The following COL26A1 variants were observed in gnomAD, a reference collection of about 807,000 sequenced individuals.
The protein encoded by COL26A1 is collagen alpha-1(XXVI) chain.
A neutral mutation model predicts 59.3 loss-of-function variants in COL26A1; 41 were observed. The observed-to-expected ratio is 0.69, with a 90% CI of 0.54 to 0.90. COL26A1 has a LOEUF of 0.90. Ranked by LOEUF, COL26A1 falls within the 40% of genes least tolerant of loss-of-function variation. The pLI is 0.00. For missense variants in COL26A1, 612 were observed against 602.3 expected, an observed-to-expected ratio of 1.02 and a Z score of -0.17; for synonymous variants, 266 against 256.0, an observed-to-expected ratio of 1.04 and a Z score of -0.37.
chr7:101,371,707 G>A (rs931082531), intron 1 of COL26A1, among the ~76,000 whole-genome samples: 1 of 152,048 alleles, frequency 6.6e-6, no homozygotes, highest in African/African-American at 2.4e-5. Flanking sequence ...TGGGAAGAAC[G>A]CTTGAACCCA....
Position 101,376,222 on chromosome 7 carries a change from C to A in COL26A1, c.158+13032C>A, listed in dbSNP as rs117978026. On this transcript the variant is annotated intron_variant, in intron 1 of 12. Transcript: ENST00000313669. ...AGCTACCTGGGAGGGGAGGCTGAGG[C>A]GGCAGGATCACTTGAGCCGAGGAGG... Among the ~76,000 whole-genome samples the A allele has an allele frequency of 2.3e-4, 34 of 150,738 alleles. 1 individual carries two copies. Among genetic ancestry groups the A allele is most frequent in the African/African-American group, 1.2e-4 (5 of 41,114 alleles).
intron 3 of COL26A1, among the ~76,000 whole-genome samples, chr7:101,455,041 CT>C (rs56039517): frequency 0.012 from 1,657 of 133,988 alleles, 7 homozygotes; most frequent in African/African-American, 0.021. Context: ...TTTTCTTTAT[CT>C]TTTTTTTTTT....
At chr7:101,452,405 G>A (rs1275388959) in intron 3 of COL26A1, among the ~76,000 whole-genome samples, 1 of 152,084 alleles carries the variant, frequency 6.6e-6, no homozygotes, top group Non-Finnish European at 1.5e-5. Context: ...TGTTCCAAAG[G>A]TGTCCACCCT....
intron 1 of COL26A1, among the ~76,000 whole-genome samples, chr7:101,401,747 AGAG>A (rs1228308947): frequency 2.2e-5 from 3 of 134,634 alleles, no homozygotes; most frequent in African/African-American, 9.3e-5. Flanking sequence ...AGGAGGAGGA[AGAG>A]GAGGAAGAGG....
At chr7:101,397,962 T>C (rs1350523353) in intron 1 of COL26A1, among the ~76,000 whole-genome samples, 1 of 152,176 alleles carries the variant, frequency 6.6e-6, no homozygotes, top group Non-Finnish European at 1.5e-5. Context: ...TGTGCCCAGG[T>C]AGGCCCCCTA....
rs1423914451 is a variant in COL26A1, at chr7:101,557,574, C to T, written c.*44C>T. 2.6e-6 allele frequency: 4 copies of T among 1,550,590 alleles called. No homozygotes were observed. The Admixed American group carries it at 7.3e-5, about 28-fold the overall frequency. ...CACCCTGTCCTGGCTAGAGACCCAG[C>T]CCCAGAGGCCTGAGCCGCCGCTGTT... On this transcript the variant is annotated 3_prime_UTR_variant, in exon 13 of 13. Coordinates refer to ENST00000313669, the MANE Select transcript of COL26A1 (RefSeq NM_001278563.3).
intron 2 of COL26A1, among the ~76,000 whole-genome samples, chr7:101,443,888 T>TC (rs1296892942): frequency 7.3e-6 from 1 of 136,888 alleles, no homozygotes; most frequent in African/African-American, 2.5e-5. Flanking sequence ...TTTTTTTTTT[T>TC]CAGAGACAGG....
chr7:101,471,564 G>GTTTTTTTTTTTTTTTTTTTTTT (rs1562997549), intron 3 of COL26A1, among the ~76,000 whole-genome samples: 1 of 129,024 alleles, frequency 7.8e-6, no homozygotes, highest in African/African-American at 3.1e-5. Flanking sequence ...TGTTGTTGTT[G>GTTTTTTTTTTTTTTTTTTTTTT]TTGTTTGTTT....
intron 1 of COL26A1, among the ~76,000 whole-genome samples, chr7:101,415,453 C>T (rs1792351582): frequency 6.6e-6 from 1 of 152,144 alleles, no homozygotes; most frequent in South Asian, 2.1e-4. Flanking sequence ...TGTGCCCAGC[C>T]TCATCATAAC....
intron 3 of COL26A1, among the ~76,000 whole-genome samples, chr7:101,448,498 C>CT (rs113067857): frequency 0.023 from 3,357 of 146,054 alleles, 41 homozygotes; most frequent in African/African-American, 0.048. Context: ...TCTTCTTTTT[C>CT]TTTTTTTTTT....
chr7:101,544,131 C>A, intron 6 of COL26A1, 35 bp downstream of exon 6: 1 of 1,505,672 alleles, frequency 6.6e-7, no homozygotes, highest in Non-Finnish European at 9.1e-7. Context: ...ATGTTGTCAA[C>A]CTGCGGAAGG....
At chr7:101,511,002 G>A (rs1464622760) in intron 3 of COL26A1, among the ~76,000 whole-genome samples, 2 of 147,434 alleles carry the variant, frequency 1.4e-5, no homozygotes, top group South Asian at 2.1e-4. Context: ...CCAGGTTCAC[G>A]CGATTCTCCT....
In COL26A1 at chr7:101,489,664, C is replaced by CTTTCTTT. The variant is rs1563007363; in HGVS notation, c.385+41877_385+41878insTTTCTTT. On this transcript the variant is annotated intron_variant, in intron 3 of 12. Coordinates refer to ENST00000313669, the MANE Select transcript of COL26A1 (RefSeq NM_001278563.3). Reference sequence around the variant, plus strand: ...TTCTTTCTTTCTTTCTTTCTTTCTTCCTTCCTTCCTTCCTTCCTTTCTTTC... The same window carrying CTTTCTTT: ...TTCTTTCTTTCTTTCTTTCTTTCTTCTTTCTTTCTTCCTTCCTTCCTTCCTTTCTTTC... 2.6e-3 allele frequency among the ~76,000 whole-genome samples: 60 copies of CTTTCTTT among 22,678 alleles called. 8 individuals carry two copies. Among genetic ancestry groups the CTTTCTTT allele is most frequent in the African/African-American group, 9.5e-3 (29 of 3,058 alleles). The allele number at this position is 22,678 out of a possible 152,430, so 14.9% of individuals were successfully genotyped here. A position where few individuals can be genotyped will look rare whatever the true frequency, so the allele number is the denominator to read the frequency against.
rs368100032 is a variant in COL26A1 at position 101,489,754 on chromosome 7, CT to C, written c.385+41968del. Among the ~76,000 whole-genome samples, 47 of 47,468 alleles carry C rather than the reference CT, an allele frequency of 9.9e-4. 5 individuals carry two copies. Among genetic ancestry groups the C allele is most frequent in the Non-Finnish European group, 1.6e-3 (39 of 25,076 alleles). 31.1% of individuals were successfully genotyped at this position (47,468 alleles called of 152,430 possible). A position where few individuals can be genotyped will look rare whatever the true frequency, so the allele number is the denominator to read the frequency against. On this transcript the variant is annotated intron_variant, in intron 3 of 12. Coordinates refer to ENST00000313669, the MANE Select transcript of COL26A1 (RefSeq NM_001278563.3). ...CTCTCTTTCTCTCTTTCTTTCTTGT[CT>C]CTCTTTCTTTCTTTCTTTCTTTCTT...
At chr7:101,462,539 ACTC>A (rs1793640672) in intron 3 of COL26A1, among the ~76,000 whole-genome samples, 2 of 151,330 alleles carry the variant, frequency 1.3e-5, no homozygotes, top group Admixed American at 6.6e-5. Context: ...CTGGTCTCGA[ACTC>A]CTGACTTCAG....
At chr7:101,545,013 T>C (rs974535563) in intron 6 of COL26A1, among the ~76,000 whole-genome samples, 1 of 152,164 alleles carries the variant, frequency 6.6e-6, no homozygotes, top group Non-Finnish European at 1.5e-5. Context: ...TGGCTTATAC[T>C]TGGTGTTCCT....
chr7:101,380,135 G>T (rs1791412527), intron 1 of COL26A1, among the ~76,000 whole-genome samples: 1 of 151,962 alleles, frequency 6.6e-6, no homozygotes, highest in South Asian at 2.1e-4. Flanking sequence ...GGCACTACAG[G>T]TGCCTGCCAC....
chr7:101,506,036 C>A (rs994701178), intron 3 of COL26A1, among the ~76,000 whole-genome samples: 2 of 152,192 alleles, frequency 1.3e-5, no homozygotes, highest in Non-Finnish European at 2.9e-5. Flanking sequence ...TAAGCTAGAA[C>A]CCATCCTCAC....
chr7:101,534,652 T>TAC (rs1199808631), intron 4 of COL26A1, among the ~76,000 whole-genome samples: 7 of 113,530 alleles, frequency 6.2e-5, no homozygotes, highest in African/African-American at 2.0e-4. Context: ...CACACATACA[T>TAC]ATACACACAC....
Sources: gnomAD v4.1 joint callset for allele counts (sites outside exome capture counted in the v4.1 genomes callset) on GRCh38, gnomAD v4.1.1 for gene constraint, MANE v1.5 for transcripts, NCBI Gene and HGNC (gene_info 2026-07-23, HGNC 2026-07-21) for gene names.